NXN: variants seen among roughly 807,000 people sequenced by gnomAD.
NXN encodes the protein nucleoredoxin.
A neutral mutation model predicts 48.6 loss-of-function variants in NXN; 16 were observed. The observed-to-expected ratio is 0.33, with a 90% CI of 0.22 to 0.50. The LOEUF (loss-of-function observed/expected upper bound fraction) is 0.50, where lower values mean the gene tolerates loss of function less well. Ranked by LOEUF, NXN falls within the 20% of genes least tolerant of loss-of-function variation. NXN has a pLI of 0.98. For missense variants in NXN, 492 were observed against 605.5 expected (o/e 0.81, Z 1.97); for synonymous variants, 281 against 269.6 (o/e 1.04, Z -0.41).
At chr17:858,962 C>T (rs934872203) in intron 1 of NXN, among the ~76,000 whole-genome samples, 1 of 152,132 alleles carries the variant, frequency 6.6e-6, no homozygotes, top group Non-Finnish European at 1.5e-5. Context: ...GGTTTCTTGA[C>T]CCTACTTTGA....
chr17:868,593 G>A (rs142171025), intron 1 of NXN, among the ~76,000 whole-genome samples: 226 of 152,186 alleles, frequency 1.5e-3, no homozygotes, highest in Admixed American at 2.0e-3. Context: ...CCGGGTTCAC[G>A]CCATTCTCCT....
chr17:957,295 G>A (rs1395625594), intron 1 of NXN, among the ~76,000 whole-genome samples: 1 of 151,372 alleles, frequency 6.6e-6, no homozygotes, highest in African/African-American at 2.4e-5. Context: ...ACAGAAGCCA[G>A]GAACCCCCCG....
intron 1 of NXN, among the ~76,000 whole-genome samples, chr17:889,746 A>G (rs1567850313): frequency 3.6e-5 from 2 of 55,644 alleles, no homozygotes; most frequent in Non-Finnish European, 7.5e-5. Flanking sequence ...AAAGAAAGAA[A>G]GAAAGAAAGA....
In NXN at chr17:819,549, C is replaced by G. The variant is rs777425677; in HGVS notation, c.714-4G>C. The G allele has an allele frequency of 6.3e-7, 1 of 1,582,614 alleles. No individual in the cohort carries two copies. The highest frequency in any genetic ancestry group is 1.1e-5 in the South Asian group (1 of 87,948). ...CTGTTTGAAGGACTCCTCCGACCTACAGAGAGACACACGTGGCGGGCAAGG... is the reference window on the plus strand; with the variant it reads ...CTGTTTGAAGGACTCCTCCGACCTAGAGAGAGACACACGTGGCGGGCAAGG... On this transcript the variant is annotated splice_region_variant and splice_polypyrimidine_tract_variant and intron_variant, in intron 4 of 7. Transcript: ENST00000336868.
chr17:888,182 T>C (rs2068369407), intron 1 of NXN, among the ~76,000 whole-genome samples: 1 of 152,186 alleles, frequency 6.6e-6, no homozygotes, highest in African/African-American at 2.4e-5. Flanking sequence ...ATCTGTATCT[T>C]ACAGCAGGAC....
chr17:823,260 G>A (rs1020560754), intron 3 of NXN, among the ~76,000 whole-genome samples: 5 of 151,928 alleles, frequency 3.3e-5, no homozygotes, highest in Non-Finnish European at 5.9e-5. Context: ...TTAGTCAGGC[G>A]TGGTGGCATG....
intron 1 of NXN, among the ~76,000 whole-genome samples, chr17:937,164 T>G (rs1173500350): frequency 6.6e-6 from 1 of 151,942 alleles, no homozygotes; most frequent in African/African-American, 2.4e-5. Context: ...TTGTATTTTT[T>G]GTAGAGATGG....
chr17:860,796 G>A (rs1431293953), intron 1 of NXN, among the ~76,000 whole-genome samples: 1 of 152,252 alleles, frequency 6.6e-6, no homozygotes, highest in Non-Finnish European at 1.5e-5. Flanking sequence ...AGTTTAATAT[G>A]AGCAGAAACA....
At chr17:879,293 TTG>T (rs749313262) in intron 1 of NXN, among the ~76,000 whole-genome samples, 1,561 of 139,766 alleles carry the variant, frequency 0.011, 25 homozygotes, top group African/African-American at 0.038. Context: ...TTTTGGTTTT[TTG>T]TTTTTTTTTT....
intron 1 of NXN, among the ~76,000 whole-genome samples, chr17:928,999 A>C (rs2068827727): frequency 6.6e-6 from 1 of 152,230 alleles, no homozygotes; most frequent in Non-Finnish European, 1.5e-5. Flanking sequence ...CTTAATTCCC[A>C]CAGAGTAAAG....
intron 1 of NXN, among the ~76,000 whole-genome samples, chr17:913,491 AC>A (rs1355466034): frequency 2.0e-5 from 3 of 152,216 alleles, no homozygotes; most frequent in Admixed American, 1.3e-4. Flanking sequence ...CCTCAACACG[AC>A]AGACAGAGAG....
At chr17:964,808 G>T (rs1265431924) in intron 1 of NXN, among the ~76,000 whole-genome samples, 1 of 152,226 alleles carries the variant, frequency 6.6e-6, no homozygotes, top group Non-Finnish European at 1.5e-5. Context: ...TCAGCACAAG[G>T]ACAGTGGGCT....
intron 1 of NXN, among the ~76,000 whole-genome samples, chr17:897,738 C>T (rs547005658): frequency 7.9e-5 from 12 of 152,222 alleles, no homozygotes; most frequent in Admixed American, 4.6e-4. Context: ...TGCAGTGGCA[C>T]GATCTCGGCT....
intron 1 of NXN, among the ~76,000 whole-genome samples, chr17:881,609 C>T (rs552981908): frequency 2.0e-5 from 3 of 152,114 alleles, no homozygotes; most frequent in South Asian, 2.1e-4. Flanking sequence ...AGAATTCTAC[C>T]GCTCAGGATT....
intron 1 of NXN, among the ~76,000 whole-genome samples, chr17:879,297 T>G (rs1429394561): frequency 1.5e-5 from 2 of 132,184 alleles, no homozygotes; most frequent in East Asian, 2.0e-4. Flanking sequence ...GGTTTTTTGT[T>G]TTTTTTTTTT....
At chr17:929,812 A>AG (rs397693832) in intron 1 of NXN, 3 of 151,968 alleles carry the variant, frequency 2.0e-5, no homozygotes, top group Non-Finnish European at 4.4e-5. Context: ...CTTAAAAAAA[A>AG]CTGTGTAGTA....
In NXN at chr17:809,580, G is replaced by A. The variant is rs1057448630; in HGVS notation, c.821-4333C>T. On this transcript the variant is annotated intron_variant, in intron 5 of 7. Transcript: ENST00000336868. ...GCCTTCTCTGCATCTGGATGGCAAC[G>A]TGATCTGAGGCAGCCAGGAGGAATT... Among the ~76,000 whole-genome samples the A allele has an allele frequency of 1.3e-4, 20 of 152,272 alleles. No homozygotes were observed. The East Asian group carries it at 1.3e-3, about 10-fold the overall frequency.
intron 1 of NXN, among the ~76,000 whole-genome samples, chr17:916,941 C>T (rs1418463204): frequency 3.3e-5 from 5 of 152,092 alleles, no homozygotes; most frequent in Non-Finnish European, 1.5e-5. Flanking sequence ...GGTTAGTTAC[C>T]ACCCTAACCT....
At chr17:897,200 T>C in intron 1 of NXN, among the ~76,000 whole-genome samples, 1 of 152,224 alleles carries the variant, frequency 6.6e-6, no homozygotes. Flanking sequence ...GCGAATGCTC[T>C]GTCCTGGGAA....
Sources: gnomAD v4.1 joint callset for allele counts (sites outside exome capture counted in the v4.1 genomes callset) on GRCh38, gnomAD v4.1.1 for gene constraint, MANE v1.5 for transcripts, NCBI Gene and HGNC (gene_info 2026-07-23, HGNC 2026-07-21) for gene names.